The following SH2B3 variants were observed in gnomAD, a reference collection of about 807,000 sequenced individuals.
SH2B3 encodes SH2B adapter protein 3.
Under a neutral mutation model 51.9 loss-of-function variants are expected in SH2B3, and 43 were observed. The observed-to-expected ratio is 0.83, with a 90% CI of 0.65 to 1.07. The LOEUF (loss-of-function observed/expected upper bound fraction) is 1.07. Among genes scored for constraint, SH2B3 ranks in the 50% least tolerant of loss-of-function variants. The pLI, the probability that SH2B3 is intolerant of heterozygous loss-of-function variation, is 0.00. For missense variants in SH2B3, 952 were observed against 834.3 expected (o/e 1.14, Z -1.74); for synonymous variants, 396 against 376.0 (o/e 1.05, Z -0.62).
chr12:111,428,123 G>A (rs1425334750), intron 2 of SH2B3, among the ~76,000 whole-genome samples: 1 of 152,246 alleles, frequency 6.6e-6, no homozygotes, highest in East Asian at 1.9e-4. Flanking sequence ...AAAAGCTCCT[G>A]TGGCCATTTT....
chr12:111,433,481 GTTA>G (rs1371388477), intron 2 of SH2B3, among the ~76,000 whole-genome samples: 2 of 152,182 alleles, frequency 1.3e-5, no homozygotes, highest in Non-Finnish European at 2.9e-5. Context: ...GCCAATATTT[GTTA>G]TTGTCTGTCT....
intron 2 of SH2B3, among the ~76,000 whole-genome samples, chr12:111,444,454 G>A (rs971737080): frequency 1.3e-5 from 2 of 152,218 alleles, no homozygotes; most frequent in Non-Finnish European, 2.9e-5. Context: ...AGAAATAGAC[G>A]CTGCAGGATG....
Position 111,440,776 on chromosome 12 carries a change from T to C in SH2B3, c.733-5977T>C, listed in dbSNP as rs1444418144. On this transcript the variant is annotated intron_variant, in intron 2 of 7. Coordinates refer to ENST00000341259, the MANE Select transcript of SH2B3 (RefSeq NM_005475.3). ...AGATGGAAAAGGAAGAGGGAGGCCT[T>C]CTTGAGCCTCTGGTGCATGGGAGCA... Among the ~76,000 whole-genome samples, 3 of 152,222 alleles carry C rather than the reference T, an allele frequency of 2.0e-5. No homozygotes were observed. The South Asian group carries it at 6.2e-4, about 32-fold the overall frequency.
chr12:111,440,424 A>G (rs1437225761), intron 2 of SH2B3, among the ~76,000 whole-genome samples: 3 of 152,138 alleles, frequency 2.0e-5, no homozygotes, highest in Non-Finnish European at 4.4e-5. Flanking sequence ...TGTGACGCCC[A>G]TTTCTGTGAC....
chr12:111,432,928 C>T (rs1184263306), intron 2 of SH2B3, among the ~76,000 whole-genome samples: 1 of 152,220 alleles, frequency 6.6e-6, no homozygotes, highest in Non-Finnish European at 1.5e-5. Context: ...CAGGTTATCT[C>T]CACTTTCTGG....
chr12:111,436,454 C>T lies in SH2B3; in HGVS notation c.733-10299C>T, dbSNP rs185760160. Among the ~76,000 whole-genome samples, 413 of 152,314 alleles carry T rather than the reference C, an allele frequency of 2.7e-3. 3 individuals carry two copies. Among genetic ancestry groups the T allele is most frequent in the Non-Finnish European group, 4.3e-3 (295 of 68,026 alleles). Reference sequence around the variant, plus strand: ...CCCCAGGCCTTGCGCATAGCCCCACCATAGCCGACTCGAGAGTAGAAGCGT... The same window carrying T: ...CCCCAGGCCTTGCGCATAGCCCCACTATAGCCGACTCGAGAGTAGAAGCGT... On this transcript the variant is annotated intron_variant, in intron 2 of 7. Coordinates refer to ENST00000341259, the MANE Select transcript of SH2B3 (RefSeq NM_005475.3).
chr12:111,419,020 G>A, intron 2 of SH2B3, 143 bp downstream of exon 2: 1 of 767,978 alleles, frequency 1.3e-6, no homozygotes, highest in Non-Finnish European at 1.8e-6. Context: ...TCTTAAAAAA[G>A]AACTTTTAGG....
chr12:111,437,497 T>A (rs1337699583), intron 2 of SH2B3, among the ~76,000 whole-genome samples: 1 of 152,100 alleles, frequency 6.6e-6, no homozygotes, highest in Non-Finnish European at 1.5e-5. Flanking sequence ...CACTGGGCAT[T>A]CAGGGCAGCA....
intron 1 of SH2B3, among the ~76,000 whole-genome samples, chr12:111,416,719 C>G (rs1376586721): frequency 2.0e-5 from 3 of 152,154 alleles, no homozygotes; most frequent in Non-Finnish European, 4.4e-5. Context: ...GTCTCTAACT[C>G]CTGACCTCAA....
Position 111,418,384 on chromosome 12 carries a change from G to A in SH2B3, c.239G>A (p.Arg80His). Reference sequence around the variant, plus strand: ...CAGCGCTACTTCTGCCGCGAGGTGCGCGACGGACGGGCGCCGGGCCGCGAC... The same window carrying A: ...CAGCGCTACTTCTGCCGCGAGGTGCACGACGGACGGGCGCCGGGCCGCGAC... ...LFQRYFCREV[R>H]DGRAPGRDYR... The change falls in exon 2 of 8, where the codon CGC (arginine) becomes CAC (histidine). Residue 80 changes from arginine (R) to histidine (H), a missense_variant. Coordinates refer to ENST00000341259, the MANE Select transcript of SH2B3 (RefSeq NM_005475.3). The surrounding 1 kb of genome is among the most constrained non-coding windows in gnomAD (Gnocchi z 6.7). 2 of 1,506,556 alleles carry A rather than the reference G, an allele frequency of 1.3e-6. No homozygotes were observed. The highest frequency in any genetic ancestry group is 1.8e-6 in the Non-Finnish European group (2 of 1,133,818). The allele number at this position is 1,506,556 out of a possible 1,614,324, so 93.3% of individuals were successfully genotyped here. A position where few individuals can be genotyped will look rare whatever the true frequency, so the allele number is the denominator to read the frequency against.
chr12:111,418,664 C>T lies in SH2B3; in HGVS notation c.519C>T (p.Pro173=). 7 of 1,488,066 alleles carry T rather than the reference C, an allele frequency of 4.7e-6. No individual in the cohort carries two copies. The highest frequency in any genetic ancestry group is 6.2e-6 in the Non-Finnish European group (7 of 1,127,876). The allele number at this position is 1,488,066 out of a possible 1,614,324, so 92.2% of individuals were successfully genotyped here. ...PGTPGEAAET[P]ARPGLAKKFL... ...CCCCCGGAGAGGCTGCTGAGACCCCCGCCCGGCCTGGCCTGGCCAAGAAGT... is the reference window on the plus strand; with the variant it reads ...CCCCCGGAGAGGCTGCTGAGACCCCTGCCCGGCCTGGCCTGGCCAAGAAGT... The change falls in exon 2 of 8, where the codon CCC becomes CCT. Residue 173 remains proline (P), a synonymous_variant. Transcript: ENST00000341259. This position sits in a 1 kb window ranked among gnomAD's most constrained non-coding sequence, Gnocchi z 6.7.
chr12:111,445,256 G>A (rs1039239802), intron 2 of SH2B3, among the ~76,000 whole-genome samples: 7 of 152,334 alleles, frequency 4.6e-5, no homozygotes, highest in Admixed American at 3.3e-4. Flanking sequence ...TAGGGGGAAG[G>A]GTGGGGGCCA....
At chr12:111,420,680 T>C (rs551204246) in intron 2 of SH2B3, among the ~76,000 whole-genome samples, 4 of 152,134 alleles carry the variant, frequency 2.6e-5, no homozygotes, top group African/African-American at 9.7e-5. Flanking sequence ...GCACCTACTA[T>C]GTGTTAGGCA....
chr12:111,414,572 A>T (rs1007115055), intron 1 of SH2B3, among the ~76,000 whole-genome samples: 4 of 151,824 alleles, frequency 2.6e-5, no homozygotes, highest in African/African-American at 4.8e-5. Flanking sequence ...CCTGGGTGAC[A>T]GAACAAGACC....
Position 111,435,051 on chromosome 12 carries a change from G to A in SH2B3, c.733-11702G>A. The A allele has an allele frequency of 6.6e-7, 1 of 1,525,770 alleles. No individual in the cohort carries two copies. Among genetic ancestry groups the A allele is most frequent in the Non-Finnish European group, 8.8e-7 (1 of 1,138,438 alleles). The allele number at this position is 1,525,770 out of a possible 1,614,324, so 94.5% of individuals were successfully genotyped here. A position where few individuals can be genotyped will look rare whatever the true frequency, so the allele number is the denominator to read the frequency against. ...AGGCAGGCAGTAGCTACCGTTGTCT[G>A]GGGCTTTGGGGATCTTGGTGGTGAT... On this transcript the variant is annotated intron_variant, in intron 2 of 7. Transcript: ENST00000341259. This position sits in a 1 kb window ranked among gnomAD's most constrained non-coding sequence, Gnocchi z 4.8.
At chr12:111,446,256 G>A (rs755625879) in intron 2 of SH2B3, among the ~76,000 whole-genome samples, 4 of 152,228 alleles carry the variant, frequency 2.6e-5, no homozygotes, top group Non-Finnish European at 5.9e-5. Context: ...GCTGGCAAAG[G>A]AACAGTGGCT....
At position 111,409,591 on chromosome 12, in the gene SH2B3, G is replaced by A. The variant is rs2135532085; in HGVS notation, c.-28+3314G>A. Among the ~76,000 whole-genome samples, 1 of 152,298 alleles carries A rather than the reference G, an allele frequency of 6.6e-6. No homozygotes were observed. The highest frequency in any genetic ancestry group is 1.9e-4 in the East Asian group (1 of 5,172). ...TTCCCAAGGAAACTGAGGCGGGCAG[G>A]CTGCCCAGGGGAAGTGACTCAGCCG... On this transcript the variant is annotated intron_variant, in intron 1 of 7. Transcript: ENST00000341259. This position sits in a 1 kb window ranked among gnomAD's most constrained non-coding sequence, Gnocchi z 4.0.
intron 1 of SH2B3, among the ~76,000 whole-genome samples, chr12:111,411,582 T>G (rs1179899261): frequency 1.3e-5 from 2 of 152,142 alleles, no homozygotes; most frequent in Non-Finnish European, 2.9e-5. Flanking sequence ...CGATTCAAGG[T>G]CCTGCGATTT....
intron 2 of SH2B3, among the ~76,000 whole-genome samples, chr12:111,424,295 CA>C (rs1049187328): frequency 2.0e-5 from 3 of 151,954 alleles, no homozygotes; most frequent in African/African-American, 7.3e-5. Flanking sequence ...GTTCCTACCC[CA>C]TAGGGCTGTG....
Sources: allele counts gnomAD v4.1 joint callset (sites outside exome capture counted in the v4.1 genomes callset), GRCh38; gene constraint gnomAD v4.1.1; non-coding constraint Gnocchi (gnomAD v3.1); transcripts MANE v1.5; gene names NCBI Gene and HGNC (gene_info 2026-07-23, HGNC 2026-07-21).